The following NRK variants were observed in gnomAD, a reference collection of about 807,000 sequenced individuals.
NRK encodes Nik related kinase.
In NRK, 67 loss-of-function variants were observed where a neutral mutation model predicts 125.2. The observed-to-expected ratio is 0.54, with a 90% CI of 0.44 to 0.66. NRK has a LOEUF of 0.66. Among genes scored for constraint, NRK ranks in the 30% least tolerant of loss-of-function variants. NRK has a pLI of 0.00. For missense variants in NRK, 1,224 were observed against 1,192.9 expected (o/e 1.03, Z -0.38); for synonymous variants, 458 against 429.0 (o/e 1.07, Z -0.84).
At position 105,946,460 on chromosome X, in the gene NRK, A is replaced by G; in HGVS notation, c.4349A>G (p.Lys1450Arg). Residue 1450 changes from lysine to arginine, a missense_variant, in exon 26 of 29, where the codon AAG becomes AGG. Coordinates refer to ENST00000243300, the MANE Select transcript of NRK (RefSeq NM_198465.4). Reference protein sequence around the residue: ...SEVMSDVTLPKNPLEIIIPQN... With the variant: ...SEVMSDVTLPRNPLEIIIPQN... ...GTTATGTCTGATGTGACCCTGCCAA[A>G]GAATGTAAGATAACACCTTCAGATT... 1 of 1,173,819 alleles carries G rather than the reference A, an allele frequency of 8.5e-7. No homozygotes were observed. Among genetic ancestry groups the G allele is most frequent in the South Asian group, 1.9e-5 (1 of 53,648 alleles).
intron 4 of NRK, among the ~76,000 whole-genome samples, chrX:105,887,264 G>A (rs2039959279): frequency 1.8e-5 from 2 of 111,808 alleles, no homozygotes; most frequent in South Asian, 3.7e-4. Flanking sequence ...GTTTTTAAAA[G>A]GACAAAGAAT....
intron 24 of NRK, among the ~76,000 whole-genome samples, chrX:105,945,573 C>T (rs1409366308): frequency 9.0e-6 from 1 of 111,456 alleles, no homozygotes; most frequent in Non-Finnish European, 1.9e-5. Flanking sequence ...TGGGTTTATT[C>T]TTGGGTGTCT....
intron 17 of NRK, among the ~76,000 whole-genome samples, chrX:105,922,651 A>T (rs2040467639): frequency 9.0e-6 from 1 of 111,693 alleles, no homozygotes; most frequent in South Asian, 3.7e-4. Context: ...TACTTAAAAG[A>T]TGGATTTAGA....
chrX:105,891,659 G>A (rs911988043), intron 5 of NRK, among the ~76,000 whole-genome samples: 4 of 111,415 alleles, frequency 3.6e-5, no homozygotes, highest in South Asian at 7.6e-4. Context: ...ATTTCTGGGC[G>A]TCACTCACAG....
Position 105,923,362 on chromosome X carries a change from A to T in NRK, c.2855A>T (p.Asn952Ile). 3.4e-6 allele frequency: 4 copies of T among 1,169,598 alleles called. No homozygotes were observed. Among genetic ancestry groups the T allele is most frequent in the Non-Finnish European group, 4.6e-6 (4 of 872,560 alleles). ...GATACCTATGATCATGCCAATGGCA[A>T]TGATGACTTGGATAACCAGGTTGAT... is the stretch of plus-strand genomic sequence containing the variant. ...FEDTYDHANG[N>I]DDLDNQVDQA... The change falls in exon 18 of 29, where the codon AAT becomes ATT. Residue 952 changes from asparagine (N) to isoleucine (I), a missense_variant. Coordinates refer to ENST00000243300, the MANE Select transcript of NRK (RefSeq NM_198465.4).
At position 105,951,508 on chromosome X, in the gene NRK, A is replaced by G. The variant is rs62603075; in HGVS notation, c.4514-1526A>G. 2.8e-3 allele frequency among the ~76,000 whole-genome samples: 318 copies of G among 112,396 alleles called. 1 individual carries two copies. Among genetic ancestry groups the G allele is most frequent in the Non-Finnish European group, 4.4e-3 (236 of 53,259 alleles). On this transcript the variant is annotated intron_variant, in intron 27 of 28. Transcript: ENST00000243300. Reference sequence around the variant, plus strand: ...TTGAGAGTATGCTAAAGACTGTCATATAACACTGATATTAAGGAGATCAAT... The same window carrying G: ...TTGAGAGTATGCTAAAGACTGTCATGTAACACTGATATTAAGGAGATCAAT...
intron 5 of NRK, among the ~76,000 whole-genome samples, chrX:105,892,135 C>G (rs915835561): frequency 1.8e-5 from 2 of 111,526 alleles, no homozygotes; most frequent in Non-Finnish European, 3.8e-5. Context: ...TAGACATGCT[C>G]CTGACCCAGT....
At chrX:105,836,465 G>A (rs1397359384) in intron 2 of NRK, among the ~76,000 whole-genome samples, 10 of 111,721 alleles carry the variant, frequency 9.0e-5, no homozygotes, top group Non-Finnish European at 1.3e-4. Context: ...AATGATTTCC[G>A]TCTGTCACTC....
rs1281955946 is a variant in NRK, at chrX:105,933,333, AT to A, written c.3313-921del. Among the ~76,000 whole-genome samples, 222 of 111,889 alleles carry A rather than the reference AT, an allele frequency of 2.0e-3. 3 individuals are homozygous for A. The highest frequency in any genetic ancestry group is 7.0e-3 in the African/African-American group (216 of 30,795). ...TATAGAGGAAGTGGATCTTCCTTTC[AT>A]TTTAATTTAAAAAGGACGTGATGTC... On this transcript the variant is annotated intron_variant, in intron 19 of 28. Transcript: ENST00000243300.
chrX:105,843,583 A>G (rs2039356672), intron 2 of NRK, among the ~76,000 whole-genome samples: 1 of 112,208 alleles, frequency 8.9e-6, no homozygotes, highest in South Asian at 3.7e-4. Context: ...TGGAAATATT[A>G]GCCTTACTTT....
At chrX:105,937,332 TAA>T (rs1004949055) in intron 21 of NRK, 105 bp from the exon 22 acceptor site, 1 of 397,903 alleles carries the variant, frequency 2.5e-6, no homozygotes, top group Non-Finnish European at 4.4e-6. Flanking sequence ...CCTAAACTGA[TAA>T]GTCATCTTTA....
intron 4 of NRK, among the ~76,000 whole-genome samples, chrX:105,886,974 C>T (rs2039955558): frequency 9.0e-6 from 1 of 110,965 alleles, no homozygotes; most frequent in Non-Finnish European, 1.9e-5. Context: ...AGAGCTAAAA[C>T]TATAAAATGC....
intron 1 of NRK, among the ~76,000 whole-genome samples, chrX:105,827,346 C>T (rs181796766): frequency 1.1e-3 from 124 of 112,087 alleles, no homozygotes; most frequent in African/African-American, 3.7e-3. Flanking sequence ...ACTGCTGGAG[C>T]GTGTTTCCTC....
Position 105,934,281 on chromosome X carries a change from C to T in NRK, c.3336C>T (p.Ala1112=). The change falls in exon 20 of 29, where the codon GCC becomes GCT. Residue 1112 remains alanine, a synonymous_variant. Coordinates refer to ENST00000243300, the MANE Select transcript of NRK (RefSeq NM_198465.4). ...AGGAGCCAGGTGGTGGAAATGAGGC[C>T]TCAAATGCCATTGACTCAGGTGCTG... ...LQEEPGGGNE[A]SNAIDSGAAP... 8.5e-7 allele frequency: 1 copy of T among 1,178,844 alleles called. No homozygotes were observed. Among genetic ancestry groups the T allele is most frequent in the Non-Finnish European group, 1.1e-6 (1 of 880,214 alleles).
At chrX:105,876,573 G>C (rs1255729365) in intron 2 of NRK, among the ~76,000 whole-genome samples, 3 of 111,326 alleles carry the variant, frequency 2.7e-5, no homozygotes, top group Admixed American at 9.6e-5. Context: ...TGATTTTCCT[G>C]AATAATATTC....
chrX:105,902,295 C>T (rs951721016), intron 9 of NRK, among the ~76,000 whole-genome samples: 3 of 111,156 alleles, frequency 2.7e-5, no homozygotes, highest in Admixed American at 9.6e-5. Flanking sequence ...CTGCCTGGGT[C>T]AGTAATTGGA....
At chrX:105,823,269 G>C (rs891394852) in intron 1 of NRK, among the ~76,000 whole-genome samples, 2 of 112,130 alleles carry the variant, frequency 1.8e-5, no homozygotes, top group African/African-American at 6.5e-5. Context: ...GTGCAACGTC[G>C]GGTGGCTTCC....
intron 27 of NRK, among the ~76,000 whole-genome samples, chrX:105,950,527 AGT>A (rs56383254): frequency 0.092 from 7,191 of 77,767 alleles, 306 homozygotes; most frequent in Non-Finnish European, 0.1. Flanking sequence ...AAAAGGCAGC[AGT>A]GTGTGTGTGT....
intron 2 of NRK, among the ~76,000 whole-genome samples, chrX:105,845,609 C>G (rs1041321246): frequency 8.9e-6 from 1 of 112,006 alleles, no homozygotes; most frequent in Non-Finnish European, 1.9e-5. Context: ...TATTTGCCAA[C>G]CTTACACAGA....
Sources: gnomAD v4.1 joint callset for allele counts (sites outside exome capture counted in the v4.1 genomes callset) on GRCh38, gnomAD v4.1.1 for gene constraint, MANE v1.5 for transcripts, NCBI Gene and HGNC (gene_info 2026-07-23, HGNC 2026-07-21) for gene names.